GRM1: variants seen among roughly 807,000 people sequenced by gnomAD.
The protein encoded by GRM1 is glutamate metabotropic receptor 1, also known as metabotropic glutamate receptor 1.
In GRM1, 33 loss-of-function variants were observed where a neutral mutation model predicts 90.9. The observed-to-expected ratio is 0.36, with a 90% CI of 0.28 to 0.49. The LOEUF is 0.49. GRM1 is among the 20% of genes least tolerant of loss of function. The pLI, the probability that GRM1 is intolerant of heterozygous loss-of-function variation, is 0.99. For missense variants in GRM1, 1,190 were observed against 1,534.3 expected, an observed-to-expected ratio of 0.78 and a Z score of 3.75; for synonymous variants, 700 against 613.2, an observed-to-expected ratio of 1.14 and a Z score of -2.09.
intron 2 of GRM1, among the ~76,000 whole-genome samples, chr6:146,216,653 G>C (rs570163504): frequency 6.6e-6 from 1 of 152,174 alleles, no homozygotes; most frequent in Non-Finnish European, 1.5e-5. Context: ...ACTGTGGCTC[G>C]AAGGGGCAGC....
At chr6:146,110,056 G>T (rs1256070327) in intron 1 of GRM1, among the ~76,000 whole-genome samples, 3 of 152,190 alleles carry the variant, frequency 2.0e-5, no homozygotes, top group African/African-American at 7.2e-5. Context: ...TCTCAGAGGA[G>T]ACTTTGGACT....
chr6:146,351,461 G>A (rs1197934274), intron 3 of GRM1, among the ~76,000 whole-genome samples: 3 of 152,116 alleles, frequency 2.0e-5, no homozygotes, highest in Admixed American at 2.0e-4. Flanking sequence ...CCATATCTAA[G>A]TCCTGAAGTC....
intron 1 of GRM1, among the ~76,000 whole-genome samples, chr6:146,156,055 GC>G (rs146067344): frequency 1.3e-5 from 2 of 152,156 alleles, no homozygotes; most frequent in Admixed American, 1.3e-4. Flanking sequence ...ACTATGCTTT[GC>G]CCACCCAGAT....
intron 5 of GRM1, among the ~76,000 whole-genome samples, chr6:146,375,410 A>C (rs1285346629): frequency 3.9e-5 from 6 of 151,988 alleles, no homozygotes; most frequent in Non-Finnish European, 8.8e-5. Context: ...TATTAGATCC[A>C]TTTGTTTTAT....
chr6:146,161,369 C>T (rs1391792362), intron 2 of GRM1, among the ~76,000 whole-genome samples: 1 of 152,078 alleles, frequency 6.6e-6, no homozygotes, highest in East Asian at 1.9e-4. Context: ...TATCCTGTCA[C>T]CATTGTGAGC....
intron 1 of GRM1, among the ~76,000 whole-genome samples, chr6:146,049,688 T>TATCTATCC (rs1554261186): frequency 2.0e-4 from 30 of 150,900 alleles, no homozygotes; most frequent in African/African-American, 6.9e-4. Context: ...TCTATCTATC[T>TATCTATCC]ATCTATCTAT....
At chr6:146,323,045 T>G (rs533158091) in intron 3 of GRM1, among the ~76,000 whole-genome samples, 1 of 152,156 alleles carries the variant, frequency 6.6e-6, no homozygotes, top group Non-Finnish European at 1.5e-5. Flanking sequence ...CTATTGTGAA[T>G]GTCCCGCTAT....
chr6:146,160,724 C>A (rs1192042666), intron 2 of GRM1, among the ~76,000 whole-genome samples: 2 of 152,042 alleles, frequency 1.3e-5, no homozygotes, highest in Non-Finnish European at 2.9e-5. Flanking sequence ...CTAACTTTGC[C>A]ATCACCTGAA....
rs73009037 is a variant in GRM1 at position 146,096,956 on chromosome 6, T to A, written c.701-62392T>A. ...TTCACAGATTGTTGCTTACTTTTTT[T>A]AAAAATTTTATGTTCTACTATGCCA... On this transcript the variant is annotated intron_variant, in intron 1 of 7. Coordinates refer to ENST00000282753, the MANE Select transcript of GRM1 (RefSeq NM_001278064.2). Among the ~76,000 whole-genome samples the A allele has an allele frequency of 7.8e-3, 1,190 of 152,290 alleles. 10 individuals are homozygous for A. The highest frequency in any genetic ancestry group is 0.011 in the Non-Finnish European group (763 of 68,022).
intron 1 of GRM1, among the ~76,000 whole-genome samples, chr6:146,085,640 G>T (rs934033443): frequency 4.6e-5 from 7 of 152,006 alleles, no homozygotes; most frequent in Non-Finnish European, 1.0e-4. Flanking sequence ...GAAATAGAGG[G>T]AAGTGGTATC....
At chr6:146,361,154 G>A (rs1775452135) in intron 5 of GRM1, among the ~76,000 whole-genome samples, 2 of 152,146 alleles carry the variant, frequency 1.3e-5, no homozygotes, top group African/African-American at 4.8e-5. Flanking sequence ...AGCCTAGGTG[G>A]GTCTCCTATG....
At chr6:146,371,745 C>T (rs1030368691) in intron 5 of GRM1, among the ~76,000 whole-genome samples, 1 of 152,068 alleles carries the variant, frequency 6.6e-6, no homozygotes, top group Non-Finnish European at 1.5e-5. Context: ...GCTTATTTTA[C>T]TTAACATAAT....
At chr6:146,100,528 G>T (rs1193304845) in intron 1 of GRM1, among the ~76,000 whole-genome samples, 1 of 152,122 alleles carries the variant, frequency 6.6e-6, no homozygotes, top group African/African-American at 2.4e-5. Flanking sequence ...GCTCTGGAGT[G>T]CTAATTTATT....
At chr6:146,159,661 A>G (rs1777647721) in intron 2 of GRM1, 64 bp downstream of exon 2, 6 of 1,486,036 alleles carry the variant, frequency 4.0e-6, no homozygotes, top group Non-Finnish European at 5.5e-6. Flanking sequence ...ACATGCACAC[A>G]CACACTTTGA....
chr6:146,430,245 C>T lies in GRM1; in HGVS notation c.2661-3627C>T, dbSNP rs571182042. ...GATAGCTAACTAATGAAAGAAAAAC[C>T]AAAGCAAGATCCCGAACCTGTTGTT... On this transcript the variant is annotated intron_variant, in intron 7 of 7. Coordinates refer to ENST00000282753, the MANE Select transcript of GRM1 (RefSeq NM_001278064.2). Among the ~76,000 whole-genome samples, 4 of 152,264 alleles carry T rather than the reference C, an allele frequency of 2.6e-5. No individual in the cohort carries two copies. In the East Asian group the frequency reaches 7.7e-4, roughly 29 times the overall value.
intron 2 of GRM1, among the ~76,000 whole-genome samples, chr6:146,293,517 A>G (rs1420276613): frequency 6.6e-6 from 1 of 151,994 alleles, no homozygotes; most frequent in East Asian, 1.9e-4. Context: ...TTGACTTTAT[A>G]TATTTTTTAC....
Position 146,366,564 on chromosome 6 carries a change from A to T in GRM1, c.1602+8870A>T, listed in dbSNP as rs151060340. On this transcript the variant is annotated intron_variant, in intron 5 of 7. Transcript: ENST00000282753. ...TCTACCTCCATGAGACCAACTTTTAAAACTCCCACATATGAGTAAGAACAT... is the reference window on the plus strand; with the variant it reads ...TCTACCTCCATGAGACCAACTTTTATAACTCCCACATATGAGTAAGAACAT... Among the ~76,000 whole-genome samples the T allele has an allele frequency of 9.7e-4, 147 of 152,164 alleles. 1 individual carries two copies. The highest frequency in any genetic ancestry group is 3.3e-3 in the African/African-American group (135 of 41,526).
chr6:146,296,025 C>G (rs1034624129), intron 2 of GRM1, among the ~76,000 whole-genome samples: 2 of 152,160 alleles, frequency 1.3e-5, no homozygotes, highest in Non-Finnish European at 2.9e-5. Flanking sequence ...GCCTCCAGCT[C>G]CATCCATTTT....
chr6:146,273,118 T>C (rs1782229788), intron 2 of GRM1, among the ~76,000 whole-genome samples: 1 of 152,234 alleles, frequency 6.6e-6, no homozygotes, highest in Non-Finnish European at 1.5e-5. Context: ...AAGAAGATAT[T>C]CTTGTGCCAA....
Sources: allele counts gnomAD v4.1 joint callset (sites outside exome capture counted in the v4.1 genomes callset), GRCh38; gene constraint gnomAD v4.1.1; transcripts MANE v1.5; gene names NCBI Gene and HGNC (gene_info 2026-07-23, HGNC 2026-07-21).